OR52K1: variants seen among roughly 807,000 people sequenced by gnomAD.
The protein encoded by OR52K1 is olfactory receptor 52K1.
In OR52K1, 10 loss-of-function variants were observed where a neutral mutation model predicts 8.7. That is an observed-to-expected ratio of 1.15 (90% CI 0.71 to 1.95). The LOEUF is 1.95. Ranked by LOEUF, OR52K1 falls within the 30% of genes most tolerant of loss-of-function variation. OR52K1 has a pLI of 0.00. For synonymous variants in OR52K1, 203 were observed against 148.5 expected (o/e 1.37, Z -2.67); for missense variants, 431 against 397.2 (o/e 1.08, Z -0.72).
Position 4,489,817 on chromosome 11 carries a change from T to C in OR52K1, c.917T>C (p.Leu306Pro), listed in dbSNP as rs752790199. ...VKTKQIREYV[L>P]SLFQRKNM ...ACCAAGCAGATTCGTGAGTATGTGC[T>C]CAGTCTATTCCAGAGAAAGAACATG... Residue 306 changes from leucine (L) to proline (P), a missense_variant, in exon 2 of 2, where the codon CTC (leucine) becomes CCC (proline). Coordinates refer to ENST00000641528, the MANE Select transcript of OR52K1 (RefSeq NM_001005171.3). 17 of 1,611,406 alleles carry C rather than the reference T, an allele frequency of 1.1e-5. No homozygotes were observed. Among genetic ancestry groups the C allele is most frequent in the East Asian group, 2.2e-5 (1 of 44,892 alleles).
chr11:4,483,624 C>CTT (rs5789329), intron 1 of OR52K1, among the ~76,000 whole-genome samples: 2 of 151,882 alleles, frequency 1.3e-5, no homozygotes, highest in South Asian at 2.1e-4. Context: ...GAAGAGATGC[C>CTT]TTTTTTTCTT....
chr11:4,488,725 T>A lies in OR52K1; in HGVS notation c.-176T>A. On this transcript the variant is annotated 5_prime_UTR_variant, in exon 2 of 2. Transcript: ENST00000641528. ...TGAGGGTAGAAAATATGGATTATACTTCTCCATGTCTATGAAGGCTGCTAG... is the reference window on the plus strand; with the variant it reads ...TGAGGGTAGAAAATATGGATTATACATCTCCATGTCTATGAAGGCTGCTAG... 1.7e-6 allele frequency: 1 copy of A among 592,326 alleles called. No individual in the cohort carries two copies. Among genetic ancestry groups the A allele is most frequent in the Non-Finnish European group, 3.0e-6 (1 of 333,784 alleles). 36.7% of individuals were successfully genotyped at this position (592,326 alleles called of 1,614,324 possible). A position where few individuals can be genotyped will look rare whatever the true frequency, so the allele number is the denominator to read the frequency against.
rs1433487688 is a variant in OR52K1, at chr11:4,483,087, C to A, written c.-418C>A. 2.5e-6 allele frequency: 1 copy of A among 398,306 alleles called. No homozygotes were observed. Among genetic ancestry groups the A allele is most frequent in the African/African-American group, 2.1e-5 (1 of 48,582 alleles). 24.7% of individuals were successfully genotyped at this position (398,306 alleles called of 1,614,324 possible). The stretch of plus-strand genomic sequence containing the variant: ...ACCTCCTGTCATTGCTTTTTCTAAC[C>A]CCTGGCAAATGCCCCATCCCAGTTA... On this transcript the variant is annotated 5_prime_UTR_variant, in exon 1 of 2. Transcript: ENST00000641528.
chr11:4,490,022 CCTATAGT>C lies in OR52K1; in HGVS notation c.*180_*186del. ...CGAGTCAGGTCAAACCAGGAGTGCA[CCTATAGT>C]CTGGTCTGATAGTAGAGGTTTGACC... On this transcript the variant is annotated 3_prime_UTR_variant, in exon 2 of 2. Transcript: ENST00000641528. 1.7e-6 allele frequency: 1 copy of C among 603,416 alleles called. No individual in the cohort carries two copies. 37.4% of individuals were successfully genotyped at this position (603,416 alleles called of 1,614,324 possible). A position where few individuals can be genotyped will look rare whatever the true frequency, so the allele number is the denominator to read the frequency against.
In OR52K1 at chr11:4,488,956, T is replaced by G. The variant is rs149382438; in HGVS notation, c.56T>G (p.Ile19Ser). The G allele has an allele frequency of 4.5e-5, 72 of 1,614,040 alleles. No individual in the cohort carries two copies. In the African/African-American group the frequency reaches 8.9e-4, roughly 20 times the overall value. Residue 19 changes from isoleucine to serine, a missense_variant, in exon 2 of 2, where the codon ATT becomes AGT. Coordinates refer to ENST00000641528, the MANE Select transcript of OR52K1 (RefSeq NM_001005171.3). ...CCAGCTGTCTTTTTGTTGGTAGGAATTCCTGGTTTGGAACACCTGCATGCC... is the reference window on the plus strand; with the variant it reads ...CCAGCTGTCTTTTTGTTGGTAGGAAGTCCTGGTTTGGAACACCTGCATGCC... ...THPAVFLLVG[I>S]PGLEHLHAWI...
Position 4,489,243 on chromosome 11 carries a change from G to T in OR52K1, c.343G>T (p.Ala115Ser). The T allele has an allele frequency of 6.2e-7, 1 of 1,614,228 alleles. No homozygotes were observed. The part of the protein sequence containing the change: ...FLHSFSIMES[A>S]VLLAMAFDRY... ...TCACTCCTTCTCCATCATGGAGTCA[G>T]CAGTGCTGCTGGCCATGGCCTTTGA... The change falls in exon 2 of 2, where the codon GCA becomes TCA. Residue 115 changes from alanine (A) to serine (S), a missense_variant. Physicochemically the swap from Ala to Ser is moderately conservative, Grantham distance 99. Coordinates refer to ENST00000641528, the MANE Select transcript of OR52K1 (RefSeq NM_001005171.3).
In OR52K1 at chr11:4,488,907, C is replaced by T; in HGVS notation, c.7C>T (p.Pro3Ser). The T allele has an allele frequency of 2.5e-6, 4 of 1,608,410 alleles. No individual in the cohort carries two copies. The highest frequency in any genetic ancestry group is 3.4e-6 in the Non-Finnish European group (4 of 1,176,018). Residue 3 changes from proline to serine, a missense_variant, in exon 2 of 2, where the codon CCC (proline) becomes TCC (serine). Transcript: ENST00000641528. The stretch of plus-strand genomic sequence containing the variant: ...AAGGAGATTTCCAGGAGCCATGCTT[C>T]CCTCTAATATCACCTCAACACATCC... ML[P>S]SNITSTHPAV...
intron 1 of OR52K1, among the ~76,000 whole-genome samples, chr11:4,487,607 G>T (rs182524545): frequency 2.6e-5 from 4 of 152,232 alleles, no homozygotes; most frequent in African/African-American, 9.6e-5. Context: ...TAAGACATGG[G>T]AATCGGTAGA....
intron 1 of OR52K1, among the ~76,000 whole-genome samples, chr11:4,487,002 C>T (rs915412994): frequency 1.3e-5 from 2 of 151,386 alleles, no homozygotes; most frequent in Admixed American, 6.6e-5. Flanking sequence ...AGTTGCTCAG[C>T]GGTCCAGTTG....
intron 1 of OR52K1, among the ~76,000 whole-genome samples, chr11:4,487,175 A>T (rs331508): frequency 6.6e-6 from 1 of 151,922 alleles, no homozygotes; most frequent in African/African-American, 2.4e-5. Context: ...TACATGTTTC[A>T]CTGTAAAGAA....
rs1478665876 is a variant in OR52K1 at position 4,490,919 on chromosome 11, A to G, written c.*1074A>G. ...AATACTTATTGTGTTACAATTGCCT[A>G]CAATATTGGGTTTGTAGCCTAGGAG... On this transcript the variant is annotated 3_prime_UTR_variant, in exon 2 of 2. Transcript: ENST00000641528. 3 of 152,204 alleles carry G rather than the reference A, an allele frequency of 2.0e-5. No homozygotes were observed. 9.4% of individuals were successfully genotyped at this position (152,204 alleles called of 1,614,324 possible). A position where few individuals can be genotyped will look rare whatever the true frequency, so the allele number is the denominator to read the frequency against.
At chr11:4,485,230 A>C (rs985347917) in intron 1 of OR52K1, among the ~76,000 whole-genome samples, 9 of 152,164 alleles carry the variant, frequency 5.9e-5, no homozygotes, top group African/African-American at 1.4e-4. Context: ...CCTTGCGAAT[A>C]TCTCAGTGTG....
rs990284824 is a variant in OR52K1, at chr11:4,482,962, C to G, written c.-543C>G. 2.5e-6 allele frequency: 1 copy of G among 393,028 alleles called. No homozygotes were observed. Among genetic ancestry groups the G allele is most frequent in the African/African-American group, 2.1e-5 (1 of 48,482 alleles). 24.3% of individuals were successfully genotyped at this position (393,028 alleles called of 1,614,324 possible). On this transcript the variant is annotated 5_prime_UTR_variant, in exon 1 of 2. Coordinates refer to ENST00000641528, the MANE Select transcript of OR52K1 (RefSeq NM_001005171.3). ...TTGGTACACAAACTCCAGATGCTCT[C>G]CCCACCACAGAGGATGCCTGCTTCC... is the stretch of plus-strand genomic sequence containing the variant.
rs1024044914 is a variant in OR52K1, at chr11:4,491,868, C to T, written c.*2023C>T. The T allele has an allele frequency of 2.6e-5, 4 of 152,012 alleles. No homozygotes were observed. The highest frequency in any genetic ancestry group is 1.9e-4 in the East Asian group (1 of 5,188). 9.4% of individuals were successfully genotyped at this position (152,012 alleles called of 1,614,324 possible). On this transcript the variant is annotated 3_prime_UTR_variant, in exon 2 of 2. Coordinates refer to ENST00000641528, the MANE Select transcript of OR52K1 (RefSeq NM_001005171.3). ...TTAAAGAACTTGTACAACAAACTCC[C>T]GTGACACAAGTTTATTTATATAACA...
intron 1 of OR52K1, among the ~76,000 whole-genome samples, chr11:4,484,287 A>C (rs947131537): frequency 5.3e-5 from 8 of 152,186 alleles, no homozygotes; most frequent in African/African-American, 1.9e-4. Context: ...CTTTTGTAGC[A>C]GTAGTTGCTG....
At chr11:4,487,068 C>G (rs564125316) in intron 1 of OR52K1, among the ~76,000 whole-genome samples, 1 of 152,054 alleles carries the variant, frequency 6.6e-6, no homozygotes, top group African/African-American at 2.4e-5. Flanking sequence ...TTGATTGTCA[C>G]AGTAAAAGGA....
rs1165115432 is a variant in OR52K1 at position 4,493,029 on chromosome 11, CAAG to C, written c.*3188_*3190del. 5.2e-5 allele frequency: 8 copies of C among 153,470 alleles called. No individual in the cohort carries two copies. The highest frequency in any genetic ancestry group is 1.9e-4 in the African/African-American group (8 of 41,478). The allele number at this position is 153,470 out of a possible 1,614,324, so 9.5% of individuals were successfully genotyped here. On this transcript the variant is annotated 3_prime_UTR_variant, in exon 2 of 2. Coordinates refer to ENST00000641528, the MANE Select transcript of OR52K1 (RefSeq NM_001005171.3). ...AGGGGGCCCTTCCCTGTTTGGCAGC[CAAG>C]AAGGAGAGAGAGAGAGGACAGCTTA... is the stretch of plus-strand genomic sequence containing the variant.
At position 4,489,754 on chromosome 11, in the gene OR52K1, T is replaced by G. The variant is rs145503699; in HGVS notation, c.854T>G (p.Phe285Cys). The G allele has an allele frequency of 3.7e-6, 6 of 1,614,068 alleles. No homozygotes were observed. In the African/African-American group the frequency reaches 8.0e-5, roughly 22 times the overall value. Residue 285 changes from phenylalanine to cysteine, a missense_variant, in exon 2 of 2, where the codon TTC (phenylalanine) becomes TGC (cysteine). Coordinates refer to ENST00000641528, the MANE Select transcript of OR52K1 (RefSeq NM_001005171.3). ...HILLAIFYLL[F>C]PPMVNPIIYG... Reference sequence around the variant, plus strand: ...CTCCTTGCTATTTTCTATCTCCTTTTCCCACCCATGGTCAATCCTATCATA... The same window carrying G: ...CTCCTTGCTATTTTCTATCTCCTTTGCCCACCCATGGTCAATCCTATCATA...
In OR52K1 at chr11:4,489,210, T is replaced by A; in HGVS notation, c.310T>A (p.Phe104Ile). 1 of 1,614,238 alleles carries A rather than the reference T, an allele frequency of 6.2e-7. No individual in the cohort carries two copies. The highest frequency in any genetic ancestry group is 8.5e-7 in the Non-Finnish European group (1 of 1,180,040). The change falls in exon 2 of 2, where the codon TTC becomes ATC. Residue 104 changes from phenylalanine to isoleucine, a missense_variant. Transcript: ENST00000641528. The stretch of plus-strand genomic sequence containing the variant: ...CTTCTTTGCCTGTCTGGTCCAGATG[T>A]TCTTCCTTCACTCCTTCTCCATCAT... ...INFFACLVQMFFLHSFSIMES... is the reference protein window; with the variant it reads ...INFFACLVQMIFLHSFSIMES...
Sources: gnomAD v4.1 joint callset for allele counts (sites outside exome capture counted in the v4.1 genomes callset) on GRCh38, gnomAD v4.1.1 for gene constraint, MANE v1.5 for transcripts, NCBI Gene and HGNC (gene_info 2026-07-23, HGNC 2026-07-21) for gene names.